Variants in ST8SIA3 observed in about 807,000 individuals in gnomAD.
ST8SIA3 encodes alpha-N-acetylneuraminate alpha-2,8-sialyltransferase ST8SIA3.
In ST8SIA3, 17 loss-of-function variants were observed where a neutral mutation model predicts 34.5. The observed-to-expected ratio is 0.49, with a 90% CI of 0.34 to 0.74. The LOEUF (loss-of-function observed/expected upper bound fraction) is 0.74, where lower values mean the gene tolerates loss of function less well. Among genes scored for constraint, ST8SIA3 ranks in the 30% least tolerant of loss-of-function variants. The pLI, the probability that ST8SIA3 is intolerant of heterozygous loss-of-function variation, is 0.01. For synonymous variants in ST8SIA3, 172 were observed against 176.1 expected, an observed-to-expected ratio of 0.98 and a Z score of 0.19; for missense variants, 354 against 467.8, an observed-to-expected ratio of 0.76 and a Z score of 2.24.
intron 1 of ST8SIA3, 46 bp downstream of exon 1, chr18:57,353,071 G>C: frequency 6.3e-7 from 1 of 1,586,270 alleles, no homozygotes; most frequent in South Asian, 1.1e-5. Flanking sequence ...TTTGGTTGAT[G>C]GGGTGTTTGG....
At chr18:57,354,097 G>A (rs1311760451) in intron 1 of ST8SIA3, among the ~76,000 whole-genome samples, 2 of 152,240 alleles carry the variant, frequency 1.3e-5, no homozygotes, top group Non-Finnish European at 2.9e-5. Flanking sequence ...CTGATTCCCT[G>A]GTCCTCGCAG....
At position 57,352,798 on chromosome 18, in the gene ST8SIA3, G is replaced by A. The variant is rs1248257474; in HGVS notation, c.-49G>A. 5.9e-6 allele frequency: 9 copies of A among 1,520,120 alleles called. No homozygotes were observed. Among genetic ancestry groups the A allele is most frequent in the South Asian group, 2.2e-5 (2 of 89,254 alleles). The allele number at this position is 1,520,120 out of a possible 1,614,324, so 94.2% of individuals were successfully genotyped here. A position where few individuals can be genotyped will look rare whatever the true frequency, so the allele number is the denominator to read the frequency against. On this transcript the variant is annotated 5_prime_UTR_variant, in exon 1 of 4. Coordinates refer to ENST00000324000, the MANE Select transcript of ST8SIA3 (RefSeq NM_015879.3). ...TATACACGCCAGCGAGCTGCTGGCC[G>A]CTCAATGGACCGATTTCCCCGGTTT... is the stretch of plus-strand genomic sequence containing the variant.
At position 57,357,133 on chromosome 18, in the gene ST8SIA3, C is replaced by T; in HGVS notation, c.523C>T (p.Gln175Ter). ...VGNSGILTGS[Q>*]CGQEIDKSDF... ...AAATAGTGGGATCCTGACAGGGAGC[C>T]AGTGTGGACAAGAAATAGATAAATC... The change falls in exon 3 of 4, where the codon CAG becomes TAG. Residue 175 changes from glutamine to a stop codon, truncating the protein, a stop_gained. Coordinates refer to ENST00000324000, the MANE Select transcript of ST8SIA3 (RefSeq NM_015879.3). LOFTEE classifies it high-confidence loss of function. The T allele has an allele frequency of 6.2e-7, 1 of 1,613,982 alleles. No individual in the cohort carries two copies. The highest frequency in any genetic ancestry group is 8.5e-7 in the Non-Finnish European group (1 of 1,179,946).
intron 2 of ST8SIA3, among the ~76,000 whole-genome samples, chr18:57,355,771 C>T (rs1367183338): frequency 2.6e-5 from 4 of 152,112 alleles, no homozygotes; most frequent in Non-Finnish European, 5.9e-5. Flanking sequence ...AGAATATTTC[C>T]TTCTCAAAAC....
Position 57,357,166 on chromosome 18 carries a change from G to A in ST8SIA3, c.556G>A (p.Val186Ile). ...CGQEIDKSDF[V>I]FRCNFAPTEA... ...ACAAGAAATAGATAAATCAGATTTTGTTTTCCGTTGCAATTTCGCCCCTAC... is the reference window on the plus strand; with the variant it reads ...ACAAGAAATAGATAAATCAGATTTTATTTTCCGTTGCAATTTCGCCCCTAC... The change falls in exon 3 of 4, where the codon GTT becomes ATT. Residue 186 changes from valine (V) to isoleucine (I), a missense_variant. By Grantham distance (29) the Val-to-Ile change is conservative. Transcript: ENST00000324000. 8 of 1,614,066 alleles carry A rather than the reference G, an allele frequency of 5.0e-6. No individual in the cohort carries two copies. The highest frequency in any genetic ancestry group is 6.8e-6 in the Non-Finnish European group (8 of 1,179,976).
chr18:57,354,621 A>G (rs2049787638), intron 2 of ST8SIA3, 97 bp downstream of exon 2: 2 of 1,450,740 alleles, frequency 1.4e-6, no homozygotes, highest in South Asian at 2.5e-5. Context: ...ATCTAAAACA[A>G]CAAACATCTA....
At chr18:57,353,313 A>C (rs1432296324) in intron 1 of ST8SIA3, among the ~76,000 whole-genome samples, 1 of 151,836 alleles carries the variant, frequency 6.6e-6, no homozygotes, top group South Asian at 2.1e-4. Context: ...GGAGGCTTTC[A>C]GGAGGGTGAG....
chr18:57,359,849 G>C (rs556982000), intron 3 of ST8SIA3, 146 bp from the exon 4 acceptor site: 1 of 668,134 alleles, frequency 1.5e-6, no homozygotes, highest in Non-Finnish European at 2.5e-6. Flanking sequence ...CCCAGAAGTT[G>C]TTTTTGGTTG....
chr18:57,357,203 A>G lies in ST8SIA3; in HGVS notation c.593A>G (p.Gln198Arg). Residue 198 changes from glutamine (Q) to arginine (R), a missense_variant, in exon 3 of 4, where the codon CAA becomes CGA. By Grantham distance (43) the Gln-to-Arg change is conservative (BLOSUM62 1). Coordinates refer to ENST00000324000, the MANE Select transcript of ST8SIA3 (RefSeq NM_015879.3). Reference sequence around the variant, plus strand: ...AATTTCGCCCCTACGGAGGCTTTCCAAAGAGATGTTGGAAGAAAAACCAAT... The same window carrying G: ...AATTTCGCCCCTACGGAGGCTTTCCGAAGAGATGTTGGAAGAAAAACCAAT... ...RCNFAPTEAF[Q>R]RDVGRKTNLT... The G allele has an allele frequency of 1.2e-6, 2 of 1,614,164 alleles. No individual in the cohort carries two copies. The highest frequency in any genetic ancestry group is 1.1e-5 in the South Asian group (1 of 91,078).
chr18:57,353,957 G>C (rs2049782183), intron 1 of ST8SIA3, among the ~76,000 whole-genome samples: 1 of 152,220 alleles, frequency 6.6e-6, no homozygotes, highest in African/African-American at 2.4e-5. Flanking sequence ...GGAAGGAAGA[G>C]GTTAAGGCAG....
rs2049806090 is a variant in ST8SIA3, at chr18:57,357,475, G to A, written c.860+5G>A. ...TATAATGCAACATGTCAACAGGTGT[G>A]TATATTTTATTACATTTTACTCATA... On this transcript the variant is annotated splice_donor_5th_base_variant and intron_variant, in intron 3 of 3. Transcript: ENST00000324000. 1 of 1,602,126 alleles carries A rather than the reference G, an allele frequency of 6.2e-7. No individual in the cohort carries two copies. The highest frequency in any genetic ancestry group is 8.5e-7 in the Non-Finnish European group (1 of 1,174,246).
At position 57,363,572 on chromosome 18, in the gene ST8SIA3, C is replaced by T. The variant is rs2049844407; in HGVS notation, c.*3295C>T. On this transcript the variant is annotated 3_prime_UTR_variant, in exon 4 of 4. Transcript: ENST00000324000. ...CAAAGGAAGAACCGCTGCCCCTGCC[C>T]TCAGCTTCCTTATGCCCGAGCCACT... 1 of 152,278 alleles carries T rather than the reference C, an allele frequency of 6.6e-6. No individual in the cohort carries two copies. The allele number at this position is 152,278 out of a possible 1,614,324, so 9.4% of individuals were successfully genotyped here.
rs1391380967 is a variant in ST8SIA3 at position 57,361,815 on chromosome 18, C to T, written c.*1538C>T. 1.3e-5 allele frequency: 2 copies of T among 152,570 alleles called. No homozygotes were observed. Among genetic ancestry groups the T allele is most frequent in the Non-Finnish European group, 2.9e-5 (2 of 68,040 alleles). The allele number at this position is 152,570 out of a possible 1,614,324, so 9.5% of individuals were successfully genotyped here. ...ATGCATTTGAGTGGGGTAGCTCATT[C>T]TTTTCCTGAAATCTCATCTAGATTG... On this transcript the variant is annotated 3_prime_UTR_variant, in exon 4 of 4. Transcript: ENST00000324000.
At chr18:57,355,447 G>C (rs12606507) in intron 2 of ST8SIA3, among the ~76,000 whole-genome samples, 1 of 152,036 alleles carries the variant, frequency 6.6e-6, no homozygotes, top group Non-Finnish European at 1.5e-5. Context: ...TCTATGGGCA[G>C]AATTAAAACA....
In ST8SIA3 at chr18:57,353,741, C is replaced by A. The variant is rs550919440; in HGVS notation, c.180-661C>A. ...GCAGCTTGACGCCGCTCTGCGAGAG[C>A]CCCCGCCCCGCTCTGTGACCCCGGG... On this transcript the variant is annotated intron_variant, in intron 1 of 3. Coordinates refer to ENST00000324000, the MANE Select transcript of ST8SIA3 (RefSeq NM_015879.3). 1.5e-3 allele frequency among the ~76,000 whole-genome samples: 227 copies of A among 152,302 alleles called. 1 individual carries two copies. Among genetic ancestry groups the A allele is most frequent in the African/African-American group, 5.2e-3 (218 of 41,586 alleles).
Position 57,368,365 on chromosome 18 carries a change from TAGA to T in ST8SIA3, c.*8093_*8095del, listed in dbSNP as rs890924396. On this transcript the variant is annotated 3_prime_UTR_variant, in exon 4 of 4. Transcript: ENST00000324000. ...ATGATGAAACCAAAAGGTCAAAAAG[TAGA>T]AGAATAGCGAATGTAAGTTATTAAA... is the stretch of plus-strand genomic sequence containing the variant. 1 of 152,164 alleles carries T rather than the reference TAGA, an allele frequency of 6.6e-6. No individual in the cohort carries two copies. The highest frequency in any genetic ancestry group is 2.4e-5 in the African/African-American group (1 of 41,434). 9.4% of individuals were successfully genotyped at this position (152,164 alleles called of 1,614,324 possible).
At position 57,362,720 on chromosome 18, in the gene ST8SIA3, C is replaced by T. The variant is rs2049838721; in HGVS notation, c.*2443C>T. 1 of 152,168 alleles carries T rather than the reference C, an allele frequency of 6.6e-6. No individual in the cohort carries two copies. The highest frequency in any genetic ancestry group is 2.4e-5 in the African/African-American group (1 of 41,428). The allele number at this position is 152,168 out of a possible 1,614,324, so 9.4% of individuals were successfully genotyped here. A position where few individuals can be genotyped will look rare whatever the true frequency, so the allele number is the denominator to read the frequency against. On this transcript the variant is annotated 3_prime_UTR_variant, in exon 4 of 4. Coordinates refer to ENST00000324000, the MANE Select transcript of ST8SIA3 (RefSeq NM_015879.3). ...TGAGGGGTTTAGAGATCAGGCTCATCTCTGCTTATAAGGAGGACTTCCTGG... is the reference window on the plus strand; with the variant it reads ...TGAGGGGTTTAGAGATCAGGCTCATTTCTGCTTATAAGGAGGACTTCCTGG...
chr18:57,359,416 A>G (rs901459847), intron 3 of ST8SIA3, among the ~76,000 whole-genome samples: 2 of 152,188 alleles, frequency 1.3e-5, no homozygotes, highest in African/African-American at 2.4e-5. Context: ...GAAGCAAGGA[A>G]TACAATTATT....
intron 2 of ST8SIA3, among the ~76,000 whole-genome samples, chr18:57,355,422 C>T (rs1811503248): frequency 5.3e-5 from 8 of 152,170 alleles, no homozygotes; most frequent in Admixed American, 5.2e-4. Flanking sequence ...CTCTCTCTCT[C>T]TTTTAAAAGT....
Sources: allele counts gnomAD v4.1 joint callset (sites outside exome capture counted in the v4.1 genomes callset), GRCh38; gene constraint gnomAD v4.1.1; transcripts MANE v1.5; gene names NCBI Gene and HGNC (gene_info 2026-07-23, HGNC 2026-07-21).